MTR: variants seen among roughly 807,000 people sequenced by gnomAD.
The protein encoded by MTR is methionine synthase.
In MTR, 84 loss-of-function variants were observed where a neutral mutation model predicts 154.8. The ratio of observed to expected loss-of-function variants is 0.54; its 90% CI spans 0.45 to 0.65. The LOEUF is 0.65. MTR is among the 30% of genes least tolerant of loss of function. The pLI is 0.00. For synonymous variants in MTR, 554 were observed against 553.9 expected (o/e 1.00, Z 0.00); for missense variants, 1,275 against 1,570.2 (o/e 0.81, Z 3.18).
chr1:236,800,002 T>G (rs1660620249), intron 1 of MTR: 13 of 959,948 alleles, frequency 1.4e-5, no homozygotes, highest in East Asian at 1.2e-4. Context: ...GGGGCTGGGT[T>G]GTTTTGTGGT....
At chr1:236,866,860 G>A (rs1448074717) in intron 22 of MTR, among the ~76,000 whole-genome samples, 1 of 152,204 alleles carries the variant, frequency 6.6e-6, no homozygotes, top group Non-Finnish European at 1.5e-5. Flanking sequence ...ATTGAAGAGA[G>A]CTCCAACCGT....
At chr1:236,853,776 A>C (rs17599657) in intron 18 of MTR, among the ~76,000 whole-genome samples, 19,603 of 152,148 alleles carry the variant, frequency 0.13, 1,608 homozygotes, top group South Asian at 0.19. Context: ...CTGCAGTTCA[A>C]GGCTTAGGTC....
At chr1:236,800,181 G>A (rs1660628090) in intron 1 of MTR, 2 of 985,408 alleles carry the variant, frequency 2.0e-6, no homozygotes, top group South Asian at 9.4e-5. Flanking sequence ...GCTCAGTGGA[G>A]GAGATAGGAA....
At chr1:236,839,754 T>C (rs142610606) in intron 15 of MTR, among the ~76,000 whole-genome samples, 2 of 152,342 alleles carry the variant, frequency 1.3e-5, no homozygotes, top group Non-Finnish European at 1.5e-5. Flanking sequence ...GTGTTCACAT[T>C]TATTGTAGCA....
intron 8 of MTR, 31 bp downstream of exon 8, chr1:236,816,574 T>C: frequency 2.5e-6 from 4 of 1,591,396 alleles, no homozygotes; most frequent in Non-Finnish European, 3.5e-6. Context: ...TAACTTCTTT[T>C]CTTTTTTGGG....
chr1:236,838,086 A>AG, intron 14 of MTR, among the ~76,000 whole-genome samples: 1 of 152,298 alleles, frequency 6.6e-6, no homozygotes, highest in African/African-American at 2.4e-5. Flanking sequence ...TCTGAATCCT[A>AG]GCTGAGGTGT....
intron 3 of MTR, among the ~76,000 whole-genome samples, chr1:236,807,657 A>C (rs1165349694): frequency 6.6e-6 from 1 of 152,196 alleles, no homozygotes; most frequent in African/African-American, 2.4e-5. Flanking sequence ...TTGATGATAG[A>C]AATATATGGT....
At chr1:236,890,982 G>A in intron 28 of MTR, 151 bp from the exon 29 acceptor site, 1 of 887,126 alleles carries the variant, frequency 1.1e-6, no homozygotes, top group Admixed American at 2.0e-5. Context: ...TTTAAGCTGG[G>A]TCAGTGGCAA....
chr1:236,886,937 CCT>C (rs1365040389), intron 27 of MTR, among the ~76,000 whole-genome samples: 1 of 151,478 alleles, frequency 6.6e-6, no homozygotes, highest in Non-Finnish European at 1.5e-5. Context: ...TTCTCTCTGT[CCT>C]CTCTCTGGAT....
Position 236,795,344 on chromosome 1 carries a change from A to G in MTR, c.-360A>G. On this transcript the variant is annotated 5_prime_UTR_variant, in exon 1 of 33. It removes an upstream start codon present in the reference 5' UTR. Coordinates refer to ENST00000366577, the MANE Select transcript of MTR (RefSeq NM_000254.3). ...AAATGTCTGCGGGGCTCAGAGCCGG[A>G]TGTCACGTCGTCCTCCTCTGCCGGT... 1 of 1,323,712 alleles carries G rather than the reference A, an allele frequency of 7.6e-7. No homozygotes were observed. Among genetic ancestry groups the G allele is most frequent in the Non-Finnish European group, 9.9e-7 (1 of 1,012,746 alleles). 82.0% of individuals were successfully genotyped at this position (1,323,712 alleles called of 1,614,324 possible).
intron 8 of MTR, among the ~76,000 whole-genome samples, chr1:236,816,912 G>C (rs572619720): frequency 6.6e-6 from 1 of 152,134 alleles, no homozygotes; most frequent in African/African-American, 2.4e-5. Flanking sequence ...GTTTTTATCT[G>C]TAAAGTGAAC....
rs1028635424 is a variant in MTR at position 236,898,105 on chromosome 1, G to T, written c.*461G>T. On this transcript the variant is annotated 3_prime_UTR_variant, in exon 33 of 33. Transcript: ENST00000366577. ...GAAATGGGGCATTTTAATCTAAGTG[G>T]TTATAACAGTGGATTCTGACGGGGA... 5.2e-6 allele frequency: 1 copy of T among 192,768 alleles called. No individual in the cohort carries two copies. Among genetic ancestry groups the T allele is most frequent in the Non-Finnish European group, 1.1e-5 (1 of 94,062 alleles). 11.9% of individuals were successfully genotyped at this position (192,768 alleles called of 1,614,324 possible).
At chr1:236,870,944 C>T (rs958461451) in intron 22 of MTR, among the ~76,000 whole-genome samples, 6 of 152,106 alleles carry the variant, frequency 3.9e-5, no homozygotes. Context: ...AGGATCTGAC[C>T]ACTTCTCACT....
intron 31 of MTR, 51 bp downstream of exon 31, chr1:236,895,601 C>A: frequency 1.3e-6 from 2 of 1,533,472 alleles, no homozygotes; most frequent in South Asian, 1.2e-5. Context: ...AGTAGATACT[C>A]TTATCAGCAT....
chr1:236,819,950 T>C, intron 8 of MTR: 3 of 1,137,316 alleles, frequency 2.6e-6, no homozygotes, highest in Non-Finnish European at 4.0e-6. Flanking sequence ...GCTTCACTTC[T>C]GGAACCTTCA....
intron 27 of MTR, among the ~76,000 whole-genome samples, chr1:236,887,681 G>A (rs1190563472): frequency 1.3e-5 from 2 of 152,242 alleles, no homozygotes; most frequent in Admixed American, 1.3e-4. Flanking sequence ...GCTACTGCAG[G>A]GTCCGCCCTG....
At chr1:236,807,835 A>G (rs1661073190) in intron 3 of MTR, among the ~76,000 whole-genome samples, 1 of 152,234 alleles carries the variant, frequency 6.6e-6, no homozygotes, top group Non-Finnish European at 1.5e-5. Flanking sequence ...AGCTACAGAC[A>G]GTCTTTTGCA....
chr1:236,861,409 T>C, intron 20 of MTR, 132 bp downstream of exon 20: 1 of 1,320,108 alleles, frequency 7.6e-7, no homozygotes, highest in Non-Finnish European at 1.1e-6. Context: ...TCATTCCTTC[T>C]CTAAATATGT....
chr1:236,850,311 A>G (rs1187907757), intron 15 of MTR, 33 bp from the exon 16 acceptor site: 14 of 1,540,306 alleles, frequency 9.1e-6, no homozygotes, highest in African/African-American at 1.4e-5. Context: ...TAATTTTTCT[A>G]TTTCAAACTA....
Sources: gnomAD v4.1 joint callset for allele counts (sites outside exome capture counted in the v4.1 genomes callset) on GRCh38, gnomAD v4.1.1 for gene constraint, MANE v1.5 for transcripts, NCBI Gene and HGNC (gene_info 2026-07-23, HGNC 2026-07-21) for gene names.